The following DCBLD1 variants were observed in gnomAD, a reference collection of about 807,000 sequenced individuals.
DCBLD1 encodes discoidin, CUB and LCCL domain containing 1.
A neutral mutation model predicts 71.5 loss-of-function variants in DCBLD1; 57 were observed. The observed-to-expected ratio is 0.80, with a 90% CI of 0.64 to 0.99. The LOEUF is 0.99. DCBLD1 is among the 50% of genes least tolerant of loss of function. DCBLD1 has a pLI of 0.00. For synonymous variants in DCBLD1, 380 were observed against 363.8 expected (o/e 1.04, Z -0.51); for missense variants, 891 against 923.5 (o/e 0.96, Z 0.46).
chr6:117,567,040 A>G (rs1424017219), intron 14 of DCBLD1: 1 of 1,551,812 alleles, frequency 6.4e-7, no homozygotes, highest in South Asian at 1.2e-5. Context: ...CCTCTCTAAA[A>G]CAGGAAATGA....
intron 7 of DCBLD1, among the ~76,000 whole-genome samples, chr6:117,537,504 A>T (rs560325059): frequency 6.2e-4 from 94 of 151,226 alleles, no homozygotes; most frequent in African/African-American, 2.2e-3. Flanking sequence ...ACTGCACTCC[A>T]GCCTGGGTAA....
intron 1 of DCBLD1, among the ~76,000 whole-genome samples, chr6:117,490,617 CCTT>C (rs779736276): frequency 6.6e-6 from 1 of 151,926 alleles, no homozygotes; most frequent in Non-Finnish European, 1.5e-5. Context: ...TTTTTTTAAT[CCTT>C]CTTTGGTGAG....
Position 117,516,189 on chromosome 6 carries a change from T to TA in DCBLD1, c.326-3614dup, listed in dbSNP as rs75487224. Among the ~76,000 whole-genome samples the TA allele has an allele frequency of 1.2e-3, 174 of 140,328 alleles. 1 individual carries two copies. Among genetic ancestry groups the TA allele is most frequent in the South Asian group, 9.7e-3 (43 of 4,414 alleles). 92.1% of individuals were successfully genotyped at this position (140,328 alleles called of 152,430 possible). On this transcript the variant is annotated intron_variant, in intron 2 of 14. Coordinates refer to ENST00000338728, the MANE Select transcript of DCBLD1 (RefSeq NM_001366458.2). ...TAACACAGTGAAACCCCATCTCTAC[T>TA]AAAAAAAAAAAAATACAAAAAATTA...
rs139612889 is a variant in DCBLD1 at position 117,530,523 on chromosome 6, A to T, written c.586-1737A>T. Among the ~76,000 whole-genome samples the T allele has an allele frequency of 3.9e-3, 600 of 152,298 alleles. 5 individuals are homozygous for T. Among genetic ancestry groups the T allele is most frequent in the African/African-American group, 0.014 (563 of 41,560 alleles). ...CCTGCTGTGTGGCCCGGTTCCTAAC[A>T]GGCCACTGACCAGTACCAGTCCACA... On this transcript the variant is annotated intron_variant, in intron 5 of 14. Transcript: ENST00000338728.
At chr6:117,539,027 T>A in intron 8 of DCBLD1, 192 bp downstream of exon 8, 1 of 709,484 alleles carries the variant, frequency 1.4e-6, no homozygotes, top group Non-Finnish European at 2.3e-6. Flanking sequence ...TAAATATGGA[T>A]ATATGGATTA....
rs1445197961 is a variant in DCBLD1 at position 117,544,414 on chromosome 6, A to C, written c.1446-114A>C. 11 of 926,578 alleles carry C rather than the reference A, an allele frequency of 1.2e-5. No homozygotes were observed. In the Admixed American group the frequency reaches 3.8e-4, roughly 32 times the overall value. 57.4% of individuals were successfully genotyped at this position (926,578 alleles called of 1,614,324 possible). ...GCACATGGCAGCTGCCATCTCATTT[A>C]ATTCTCACATCAACCCTATGAGGTA... On this transcript the variant is annotated intron_variant, in intron 12 of 14. Coordinates refer to ENST00000338728, the MANE Select transcript of DCBLD1 (RefSeq NM_001366458.2).
chr6:117,531,637 G>A (rs1778722946), intron 5 of DCBLD1, among the ~76,000 whole-genome samples: 4 of 152,190 alleles, frequency 2.6e-5, no homozygotes, highest in African/African-American at 9.7e-5. Flanking sequence ...TCAGCCCTGA[G>A]TTGCTCATCA....
At chr6:117,513,833 T>A (rs1778102316) in intron 2 of DCBLD1, among the ~76,000 whole-genome samples, 1 of 152,184 alleles carries the variant, frequency 6.6e-6, no homozygotes, top group African/African-American at 2.4e-5. Flanking sequence ...CGCGCTCTCA[T>A]GTGGGTTTCC....
At chr6:117,517,479 C>G (rs1210088791) in intron 2 of DCBLD1, among the ~76,000 whole-genome samples, 1 of 152,154 alleles carries the variant, frequency 6.6e-6, no homozygotes, top group African/African-American at 2.4e-5. Flanking sequence ...TCTGGTGGCC[C>G]CCTTCTCACA....
intron 8 of DCBLD1, 182 bp downstream of exon 8, chr6:117,539,017 T>C (rs1372873366): frequency 1.4e-6 from 1 of 733,916 alleles, no homozygotes; most frequent in Non-Finnish European, 2.2e-6. Context: ...ATGCAAGTTG[T>C]AAATATGGAT....
intron 6 of DCBLD1, among the ~76,000 whole-genome samples, chr6:117,533,879 C>T (rs10872152): frequency 0.1 from 15,785 of 152,060 alleles, 1,405 homozygotes; most frequent in South Asian, 0.23. Flanking sequence ...ACTGGCAATT[C>T]TGAGTTCAGG....
At chr6:117,488,576 C>G (rs1777170752) in intron 1 of DCBLD1, among the ~76,000 whole-genome samples, 1 of 152,140 alleles carries the variant, frequency 6.6e-6, no homozygotes, top group Non-Finnish European at 1.5e-5. Flanking sequence ...GCCCAGGAGG[C>G]AGCTGTTGCA....
intron 14 of DCBLD1, chr6:117,563,331 C>T: frequency 6.2e-7 from 1 of 1,612,788 alleles, no homozygotes; most frequent in East Asian, 2.2e-5. Flanking sequence ...GTTTCACTTG[C>T]AGTGCCCAGG....
chr6:117,506,146 A>G (rs1777835635), intron 2 of DCBLD1, among the ~76,000 whole-genome samples: 1 of 152,130 alleles, frequency 6.6e-6, no homozygotes, highest in Non-Finnish European at 1.5e-5. Flanking sequence ...GCTCTTACAT[A>G]TATTTTCTAG....
chr6:117,529,196 T>C (rs1359624280), intron 5 of DCBLD1, among the ~76,000 whole-genome samples: 2 of 152,194 alleles, frequency 1.3e-5, no homozygotes, highest in African/African-American at 4.8e-5. Context: ...CAAATAATTA[T>C]TGTGTAAAAG....
Position 117,540,785 on chromosome 6 carries a change from G to A in DCBLD1, c.1219G>A (p.Val407Met). The change falls in exon 10 of 15, where the codon GTG (valine) becomes ATG (methionine). Residue 407 changes from valine (V) to methionine (M), a missense_variant. By Grantham distance (21) the Val-to-Met change is conservative. Transcript: ENST00000338728. ...ATGGCACCAGAGGATAGCCTTGAAGGTGGAGCTCATTGGTTGCCAGATTAC... is the reference window on the plus strand; with the variant it reads ...ATGGCACCAGAGGATAGCCTTGAAGATGGAGCTCATTGGTTGCCAGATTAC... Reference protein sequence around the residue: ...QTWHQRIALKVELIGCQITQG... With the variant: ...QTWHQRIALKMELIGCQITQG... 3 of 1,614,248 alleles carry A rather than the reference G, an allele frequency of 1.9e-6. No individual in the cohort carries two copies. Among genetic ancestry groups the A allele is most frequent in the Non-Finnish European group, 2.5e-6 (3 of 1,180,052 alleles).
intron 6 of DCBLD1, among the ~76,000 whole-genome samples, chr6:117,534,708 TCTG>T (rs1778829718): frequency 6.6e-6 from 1 of 151,568 alleles, no homozygotes; most frequent in Non-Finnish European, 1.5e-5. Flanking sequence ...TCAGTTAACT[TCTG>T]CTACATCAAC....
chr6:117,503,134 T>C (rs1292241686), intron 1 of DCBLD1, among the ~76,000 whole-genome samples: 4 of 151,890 alleles, frequency 2.6e-5, no homozygotes, highest in Non-Finnish European at 5.9e-5. Context: ...TTTAATACCA[T>C]GTCTGGTTAT....
chr6:117,530,628 C>G (rs1778685222), intron 5 of DCBLD1, among the ~76,000 whole-genome samples: 2 of 152,266 alleles, frequency 1.3e-5, no homozygotes, highest in South Asian at 4.1e-4. Flanking sequence ...GAAGCCAGGT[C>G]AAGAGCAGTG....
Sources: allele counts gnomAD v4.1 joint callset (sites outside exome capture counted in the v4.1 genomes callset), GRCh38; gene constraint gnomAD v4.1.1; transcripts MANE v1.5; gene names NCBI Gene and HGNC (gene_info 2026-07-23, HGNC 2026-07-21).